CNBD1: variants seen among roughly 807,000 people sequenced by gnomAD.
CNBD1 encodes the protein cyclic nucleotide binding domain containing 1.
Under a neutral mutation model 54.4 loss-of-function variants are expected in CNBD1, and 71 were observed. The ratio of observed to expected loss-of-function variants is 1.30; its 90% CI spans 1.08 to 1.59. The LOEUF is 1.59. Ranked by LOEUF, CNBD1 falls within the 40% of genes most tolerant of loss-of-function variation. The pLI is 0.00. For missense variants in CNBD1, 659 were observed against 518.0 expected (o/e 1.27, Z -2.64); for synonymous variants, 182 against 170.7 (o/e 1.07, Z -0.51).
chr8:87,370,412 T>C (rs374673602), intron 10 of CNBD1, among the ~76,000 whole-genome samples: 27 of 152,180 alleles, frequency 1.8e-4, no homozygotes, highest in South Asian at 4.1e-4. Context: ...TTTTAATGAT[T>C]GCCATTCTAA....
chr8:87,081,791 C>T (rs1045090284), intron 4 of CNBD1, among the ~76,000 whole-genome samples: 3 of 152,024 alleles, frequency 2.0e-5, no homozygotes, highest in African/African-American at 7.3e-5. Flanking sequence ...CATGCATGAG[C>T]CACCACGCCT....
intron 1 of CNBD1, among the ~76,000 whole-genome samples, chr8:86,868,566 C>T (rs937576365): frequency 2.9e-5 from 3 of 105,028 alleles, no homozygotes; most frequent in Admixed American, 2.0e-4. Flanking sequence ...CTCCTCACCT[C>T]GTGATCTGCC....
chr8:86,995,907 TAGA>T (rs1352526484), intron 4 of CNBD1, among the ~76,000 whole-genome samples: 1 of 152,170 alleles, frequency 6.6e-6, no homozygotes, highest in Non-Finnish European at 1.5e-5. Flanking sequence ...TGGACAACAG[TAGA>T]AGTATTTTTC....
intron 8 of CNBD1, among the ~76,000 whole-genome samples, chr8:87,296,840 G>A (rs1348668455): frequency 6.6e-6 from 1 of 151,936 alleles, no homozygotes; most frequent in Admixed American, 6.6e-5. Flanking sequence ...TATAATGCAA[G>A]CCACATATAT....
At chr8:86,897,365 C>T (rs1808861912) in intron 2 of CNBD1, among the ~76,000 whole-genome samples, 1 of 152,076 alleles carries the variant, frequency 6.6e-6, no homozygotes. Context: ...GGTGAGTTAA[C>T]ACAAATAAGT....
At chr8:87,156,974 A>G (rs1812755510) in intron 4 of CNBD1, among the ~76,000 whole-genome samples, 2 of 152,182 alleles carry the variant, frequency 1.3e-5, no homozygotes, top group South Asian at 4.1e-4. Flanking sequence ...TAAATAAATT[A>G]GCACCAATCA....
At chr8:86,878,103 T>A (rs994788877) in intron 1 of CNBD1, among the ~76,000 whole-genome samples, 1 of 146,150 alleles carries the variant, frequency 6.8e-6, no homozygotes, top group East Asian at 2.0e-4. Flanking sequence ...TGTGTGTGTG[T>A]GTGAGAGAGA....
chr8:87,345,073 T>C (rs1341041382), intron 8 of CNBD1, among the ~76,000 whole-genome samples: 1 of 152,168 alleles, frequency 6.6e-6, no homozygotes, highest in Non-Finnish European at 1.5e-5. Context: ...GAGTATCTCT[T>C]TTGATGCTCT....
At chr8:86,920,999 A>G (rs1809263296) in intron 3 of CNBD1, among the ~76,000 whole-genome samples, 1 of 152,150 alleles carries the variant, frequency 6.6e-6, no homozygotes, top group South Asian at 2.1e-4. Context: ...GTAAAGATGA[A>G]TATTTGGAGA....
At chr8:86,911,136 T>C (rs1274116334) in intron 3 of CNBD1, among the ~76,000 whole-genome samples, 2 of 152,230 alleles carry the variant, frequency 1.3e-5, no homozygotes, top group African/African-American at 4.8e-5. Flanking sequence ...AGCCTCCATG[T>C]TGAACATACC....
rs1300168242 is a variant in CNBD1, at chr8:87,301,243, G to A, written c.1042+14572G>A. Among the ~76,000 whole-genome samples the A allele has an allele frequency of 1.3e-5, 2 of 152,110 alleles. 1 individual carries two copies. Among genetic ancestry groups the A allele is most frequent in the South Asian group, 4.1e-4 (2 of 4,836 alleles). ...AACAAAAAAAGTCCAGGACCAGATG[G>A]ATTCACAGCAGAATTCTACCAAACA... On this transcript the variant is annotated intron_variant, in intron 8 of 10. Coordinates refer to ENST00000518476, the MANE Select transcript of CNBD1 (RefSeq NM_173538.3).
At chr8:87,369,386 A>G (rs182106577) in intron 10 of CNBD1, among the ~76,000 whole-genome samples, 89 of 152,112 alleles carry the variant, frequency 5.9e-4, no homozygotes, top group Admixed American at 1.6e-3. Flanking sequence ...ATACTTACCT[A>G]TGTAATTACC....
chr8:87,026,646 T>G (rs905504627), intron 4 of CNBD1, among the ~76,000 whole-genome samples: 2 of 152,154 alleles, frequency 1.3e-5, no homozygotes, highest in Non-Finnish European at 2.9e-5. Context: ...CTAAAAAAAT[T>G]TTCTTTTCTT....
chr8:87,091,144 A>G (rs1399154953), intron 4 of CNBD1, among the ~76,000 whole-genome samples: 2 of 151,264 alleles, frequency 1.3e-5, no homozygotes, highest in African/African-American at 4.9e-5. Context: ...TGTCTCAAAA[A>G]AAAAAAAAAA....
At chr8:87,071,741 G>C (rs1463440994) in intron 4 of CNBD1, among the ~76,000 whole-genome samples, 1 of 152,050 alleles carries the variant, frequency 6.6e-6, no homozygotes, top group African/African-American at 2.4e-5. Context: ...TATGTGATCA[G>C]TTTTAGAGTA....
At chr8:87,365,356 C>G (rs1456760199) in intron 10 of CNBD1, among the ~76,000 whole-genome samples, 1 of 151,618 alleles carries the variant, frequency 6.6e-6, no homozygotes, top group East Asian at 1.9e-4. Flanking sequence ...TTGTTTTTTG[C>G]TTGTACATTT....
At chr8:87,344,918 A>G (rs1440357217) in intron 8 of CNBD1, among the ~76,000 whole-genome samples, 1 of 152,158 alleles carries the variant, frequency 6.6e-6, no homozygotes, top group African/African-American at 2.4e-5. Flanking sequence ...ATGGACAGTT[A>G]CCCTGGTTAA....
chr8:87,363,798 G>C (rs905913916), intron 10 of CNBD1, among the ~76,000 whole-genome samples: 1 of 152,098 alleles, frequency 6.6e-6, no homozygotes, highest in East Asian at 1.9e-4. Context: ...CTCCCATTCT[G>C]TAGGTTGCCT....
At chr8:87,340,969 G>T (rs1474556189) in intron 8 of CNBD1, among the ~76,000 whole-genome samples, 1 of 151,680 alleles carries the variant, frequency 6.6e-6, no homozygotes, top group Non-Finnish European at 1.5e-5. Context: ...ATAAATATGT[G>T]TTAGTATCTG....
Sources: allele counts gnomAD v4.1 joint callset (sites outside exome capture counted in the v4.1 genomes callset), GRCh38; gene constraint gnomAD v4.1.1; transcripts MANE v1.5; gene names NCBI Gene and HGNC (gene_info 2026-07-23, HGNC 2026-07-21).